NTNG1: variants seen among roughly 807,000 people sequenced by gnomAD.
NTNG1 encodes the protein netrin-G1.
In NTNG1, 16 loss-of-function variants were observed where a neutral mutation model predicts 54.0. That is an observed-to-expected ratio of 0.30 (90% CI 0.20 to 0.45). NTNG1 has a LOEUF of 0.45. Among genes scored for constraint, NTNG1 ranks in the 20% least tolerant of loss-of-function variants. The pLI, the probability that NTNG1 is intolerant of heterozygous loss-of-function variation, is 1.00. For synonymous variants in NTNG1, 255 were observed against 263.1 expected (o/e 0.97, Z 0.30); for missense variants, 530 against 678.7 (o/e 0.78, Z 2.43).
intron 6 of NTNG1, 42 bp downstream of exon 6, chr1:107,430,959 G>A: frequency 6.3e-7 from 1 of 1,587,580 alleles, no homozygotes; most frequent in Non-Finnish European, 8.6e-7. Context: ...TGTGCCTTTT[G>A]AGCTACGGGG....
intron 6 of NTNG1, 134 bp from the exon 7 acceptor site, chr1:107,436,531 A>G: frequency 3.1e-6 from 2 of 641,092 alleles, no homozygotes; most frequent in Non-Finnish European, 5.0e-6. Flanking sequence ...AAATAGCCAT[A>G]TTTGCCGAAG....
intron 1 of NTNG1, among the ~76,000 whole-genome samples, chr1:107,145,425 G>A (rs1654032517): frequency 6.6e-6 from 1 of 151,864 alleles, no homozygotes; most frequent in African/African-American, 2.4e-5. Flanking sequence ...TGAAATGCAG[G>A]ATACATAACA....
At chr1:107,170,293 C>T (rs1557777579) in intron 2 of NTNG1, among the ~76,000 whole-genome samples, 1 of 152,042 alleles carries the variant, frequency 6.6e-6, no homozygotes, top group Non-Finnish European at 1.5e-5. Context: ...GAGTTTGAGC[C>T]TAAGGAAGAT....
intron 2 of NTNG1, among the ~76,000 whole-genome samples, chr1:107,191,383 T>C (rs1304677154): frequency 2.0e-5 from 3 of 152,182 alleles, no homozygotes; most frequent in Non-Finnish European, 4.4e-5. Context: ...AGGTTGCCTG[T>C]TCACTCTGAT....
chr1:107,480,569 T>TGCCCCCCCCCC, intron 7 of NTNG1, 42 bp from the exon 8 acceptor site: 22 of 609,580 alleles, frequency 3.6e-5, no homozygotes, highest in East Asian at 1.4e-4. Context: ...CTGCTTCTCC[T>TGCCCCCCCCCC]CCCCGCGCCC....
chr1:107,250,759 C>T (rs1662551262), intron 2 of NTNG1, among the ~76,000 whole-genome samples: 1 of 151,884 alleles, frequency 6.6e-6, no homozygotes, highest in South Asian at 2.1e-4. Flanking sequence ...TGAGCTGCTC[C>T]TGGAGAGGAA....
intron 2 of NTNG1, among the ~76,000 whole-genome samples, chr1:107,293,291 C>T (rs1243935912): frequency 6.6e-6 from 1 of 152,122 alleles, no homozygotes; most frequent in Non-Finnish European, 1.5e-5. Context: ...AAAAGCAACT[C>T]TGTAGCATTC....
intron 2 of NTNG1, among the ~76,000 whole-genome samples, chr1:107,205,869 G>C (rs1401199544): frequency 6.6e-6 from 1 of 152,162 alleles, no homozygotes; most frequent in African/African-American, 2.4e-5. Flanking sequence ...GCATATGCTA[G>C]TTTGGCTTGT....
intron 2 of NTNG1, among the ~76,000 whole-genome samples, chr1:107,307,982 C>T (rs146460381): frequency 2.6e-5 from 4 of 152,052 alleles, no homozygotes; most frequent in African/African-American, 9.6e-5. Flanking sequence ...AGAATATTCA[C>T]AGCTCATGTC....
At chr1:107,198,196 G>A (rs1341110061) in intron 2 of NTNG1, among the ~76,000 whole-genome samples, 1 of 151,946 alleles carries the variant, frequency 6.6e-6, no homozygotes, top group African/African-American at 2.4e-5. Flanking sequence ...CATTCTTTAG[G>A]TGTGATAATG....
At chr1:107,272,326 AAC>A (rs1161804542) in intron 2 of NTNG1, among the ~76,000 whole-genome samples, 2 of 151,920 alleles carry the variant, frequency 1.3e-5, no homozygotes, top group Non-Finnish European at 2.9e-5. Context: ...TTTTTTCGGG[AAC>A]ACAGATAATC....
intron 2 of NTNG1, among the ~76,000 whole-genome samples, chr1:107,304,724 T>G (rs941866854): frequency 6.6e-6 from 1 of 150,502 alleles, no homozygotes; most frequent in Non-Finnish European, 1.5e-5. Flanking sequence ...AGGCTCAGAA[T>G]GTTCTTTTTT....
At chr1:107,439,277 C>CGTGTGTGTGTGTGTGTGTGTGT (rs3064151) in intron 7 of NTNG1, among the ~76,000 whole-genome samples, 2 of 145,784 alleles carry the variant, frequency 1.4e-5, no homozygotes, top group Non-Finnish European at 3.0e-5. Flanking sequence ...CCAGAACTTG[C>CGTGTGTGTGTGTGTGTGTGTGT]GTGTGTGTGT....
chr1:107,429,256 T>A (rs1675101857), intron 5 of NTNG1, among the ~76,000 whole-genome samples: 1 of 152,134 alleles, frequency 6.6e-6, no homozygotes, highest in African/African-American at 2.4e-5. Context: ...AAATTTGATT[T>A]CATTCCATCA....
intron 2 of NTNG1, among the ~76,000 whole-genome samples, chr1:107,250,510 G>C (rs1456254941): frequency 6.6e-6 from 1 of 151,902 alleles, no homozygotes; most frequent in Non-Finnish European, 1.5e-5. Flanking sequence ...GTATACCTAT[G>C]TAACAAACCT....
At chr1:107,368,452 G>C (rs555422377) in intron 3 of NTNG1, among the ~76,000 whole-genome samples, 3 of 152,282 alleles carry the variant, frequency 2.0e-5, no homozygotes, top group African/African-American at 7.2e-5. Flanking sequence ...CTGAGAAGGA[G>C]AGAAGTTGAC....
intron 2 of NTNG1, among the ~76,000 whole-genome samples, chr1:107,161,204 C>T (rs2101054649): frequency 6.6e-6 from 1 of 152,202 alleles, no homozygotes; most frequent in Non-Finnish European, 1.5e-5. Flanking sequence ...TTTGTTTGAC[C>T]ATAACCTTCA....
intron 3 of NTNG1, among the ~76,000 whole-genome samples, chr1:107,355,646 A>G (rs995141752): frequency 1.2e-4 from 19 of 152,134 alleles, no homozygotes; most frequent in African/African-American, 4.6e-4. Flanking sequence ...TCTCAACAAC[A>G]TTTACAGGAA....
intron 2 of NTNG1, among the ~76,000 whole-genome samples, chr1:107,194,849 G>C (rs886622697): frequency 6.6e-6 from 1 of 151,850 alleles, no homozygotes; most frequent in Non-Finnish European, 1.5e-5. Flanking sequence ...TATCTATGGC[G>C]ATCAACTAGA....
Sources: gnomAD v4.1 joint callset for allele counts (sites outside exome capture counted in the v4.1 genomes callset) on GRCh38, gnomAD v4.1.1 for gene constraint, MANE v1.5 for transcripts, NCBI Gene and HGNC (gene_info 2026-07-23, HGNC 2026-07-21) for gene names.